CTNNA3: variants seen among roughly 807,000 people sequenced by gnomAD.
CTNNA3 encodes catenin alpha 3, also known as catenin alpha-3.
Under a neutral mutation model 95.7 loss-of-function variants are expected in CTNNA3, and 76 were observed. The observed-to-expected ratio is 0.79, with a 90% confidence interval of 0.66 to 0.96. CTNNA3 has a LOEUF of 0.96. CTNNA3 is among the 40% of genes least tolerant of loss of function. CTNNA3 has a pLI of 0.00. For missense variants in CTNNA3, 1,191 were observed against 1,089.8 expected (o/e 1.09, Z -1.31); for synonymous variants, 431 against 374.4 (o/e 1.15, Z -1.74).
At chr10:66,413,293 C>T (rs373233386) in intron 11 of CTNNA3, among the ~76,000 whole-genome samples, 12 of 152,022 alleles carry the variant, frequency 7.9e-5, no homozygotes, top group African/African-American at 2.7e-4. Flanking sequence ...GGTACCACTC[C>T]GGATTTACTG....
chr10:67,739,057 G>A (rs1430083467), intron 1 of CTNNA3, among the ~76,000 whole-genome samples: 1 of 152,080 alleles, frequency 6.6e-6, no homozygotes, highest in African/African-American at 2.4e-5. Flanking sequence ...ACCTAGCAAG[G>A]CAGGGCAACA....
intron 7 of CTNNA3, among the ~76,000 whole-genome samples, chr10:66,861,113 C>G (rs1843905429): frequency 6.6e-6 from 1 of 152,116 alleles, no homozygotes; most frequent in African/African-American, 2.4e-5. Context: ...GTCCTAGACA[C>G]TGTGTTAGGA....
chr10:66,383,895 C>T (rs1390182339), intron 11 of CTNNA3, among the ~76,000 whole-genome samples: 1 of 152,246 alleles, frequency 6.6e-6, no homozygotes, highest in Non-Finnish European at 1.5e-5. Flanking sequence ...CAAGCAAATG[C>T]TGAGAGATTT....
At chr10:67,064,774 T>C (rs1055952656) in intron 7 of CTNNA3, among the ~76,000 whole-genome samples, 1 of 152,210 alleles carries the variant, frequency 6.6e-6, no homozygotes, top group African/African-American at 2.4e-5. Context: ...AAGATGACAG[T>C]AATTTCAATC....
At chr10:67,059,386 G>A (rs952666946) in intron 7 of CTNNA3, among the ~76,000 whole-genome samples, 5 of 152,120 alleles carry the variant, frequency 3.3e-5, no homozygotes, top group Admixed American at 6.6e-5. Flanking sequence ...AAAATGAGGA[G>A]TAAATAAAGA....
At chr10:66,670,607 A>C (rs935624134) in intron 9 of CTNNA3, among the ~76,000 whole-genome samples, 1 of 152,064 alleles carries the variant, frequency 6.6e-6, no homozygotes, top group African/African-American at 2.4e-5. Context: ...CTGTTCTCCG[A>C]TTCTGCCCTT....
At chr10:66,904,688 C>G (rs1845909100) in intron 7 of CTNNA3, among the ~76,000 whole-genome samples, 1 of 152,024 alleles carries the variant, frequency 6.6e-6, no homozygotes, top group Non-Finnish European at 1.5e-5. Flanking sequence ...ACAAACAACC[C>G]CATCAAAAAG....
chr10:67,184,576 T>C (rs1259833905), intron 6 of CTNNA3, among the ~76,000 whole-genome samples: 2 of 152,196 alleles, frequency 1.3e-5, no homozygotes, highest in Non-Finnish European at 2.9e-5. Context: ...GTGCTGTTAA[T>C]TGTCAGTCCT....
At chr10:66,151,748 A>C (rs889570204) in intron 13 of CTNNA3, among the ~76,000 whole-genome samples, 4 of 151,980 alleles carry the variant, frequency 2.6e-5, no homozygotes, top group African/African-American at 9.7e-5. Flanking sequence ...AAATGTCTTG[A>C]CATATTAAAG....
intron 17 of CTNNA3, among the ~76,000 whole-genome samples, chr10:65,933,756 T>C (rs1346305033): frequency 6.6e-6 from 1 of 152,156 alleles, no homozygotes; most frequent in African/African-American, 2.4e-5. Context: ...TCTTCCACAA[T>C]GTCTTCTGTG....
chr10:67,035,710 G>A (rs945418782), intron 7 of CTNNA3, among the ~76,000 whole-genome samples: 1 of 152,102 alleles, frequency 6.6e-6, no homozygotes, highest in Non-Finnish European at 1.5e-5. Context: ...CAATAGACCT[G>A]AACCACATCA....
chr10:67,049,990 T>A (rs1589661962), intron 7 of CTNNA3, among the ~76,000 whole-genome samples: 1 of 152,228 alleles, frequency 6.6e-6, no homozygotes, highest in East Asian at 1.9e-4. Flanking sequence ...AAATGTATTA[T>A]TTAATGCAGT....
At chr10:66,219,235 C>T (rs1293320313) in intron 13 of CTNNA3, among the ~76,000 whole-genome samples, 2 of 151,598 alleles carry the variant, frequency 1.3e-5, no homozygotes, top group African/African-American at 2.4e-5. Context: ...GGGTGGGTGG[C>T]GAGGGGCCTT....
intron 2 of CTNNA3, among the ~76,000 whole-genome samples, chr10:67,616,324 C>G (rs1162313139): frequency 6.6e-6 from 1 of 152,016 alleles, no homozygotes; most frequent in African/African-American, 2.4e-5. Flanking sequence ...ATGATCTGAC[C>G]CCAAATTTTA....
chr10:67,007,554 T>TA (rs1361650657), intron 7 of CTNNA3, among the ~76,000 whole-genome samples: 1 of 152,086 alleles, frequency 6.6e-6, no homozygotes, highest in Non-Finnish European at 1.5e-5. Flanking sequence ...ACTTGGAATC[T>TA]AAAATCTTAA....
At chr10:66,422,871 C>CCA (rs372364105) in intron 11 of CTNNA3, among the ~76,000 whole-genome samples, 2,620 of 127,266 alleles carry the variant, frequency 0.021, 65 homozygotes, top group African/African-American at 0.073. Context: ...CTCAAGTGAT[C>CCA]CACCTCCCTC....
rs998996810 is a variant in CTNNA3 at position 67,133,384 on chromosome 10, C to T, written c.1047+46933G>A. Among the ~76,000 whole-genome samples the T allele has an allele frequency of 4.1e-3, 537 of 130,922 alleles. 2 individuals carry two copies. Among genetic ancestry groups the T allele is most frequent in the African/African-American group, 0.015 (479 of 31,978 alleles). 85.9% of individuals were successfully genotyped at this position (130,922 alleles called of 152,430 possible). A position where few individuals can be genotyped will look rare whatever the true frequency, so the allele number is the denominator to read the frequency against. On this transcript the variant is annotated intron_variant, in intron 7 of 17. Transcript: ENST00000433211. ...ATACATACATATATATATATACACA[C>T]ACACACACACACACACACAATGGTA...
intron 5 of CTNNA3, among the ~76,000 whole-genome samples, chr10:67,331,527 C>G (rs1335252439): frequency 6.7e-6 from 1 of 149,422 alleles, no homozygotes; most frequent in African/African-American, 2.5e-5. Flanking sequence ...TGGGGGAGGG[C>G]CGGGGGAGGG....
At chr10:67,273,944 C>A (rs1388897906) in intron 5 of CTNNA3, among the ~76,000 whole-genome samples, 1 of 152,082 alleles carries the variant, frequency 6.6e-6, no homozygotes, top group African/African-American at 2.4e-5. Flanking sequence ...GATAAAGGAA[C>A]TTGAAACTAT....
Sources: allele counts gnomAD v4.1 joint callset (sites outside exome capture counted in the v4.1 genomes callset), GRCh38; gene constraint gnomAD v4.1.1; transcripts MANE v1.5; gene names NCBI Gene and HGNC (gene_info 2026-07-23, HGNC 2026-07-21).